Variants in BCL2 observed in about 807,000 individuals in gnomAD.
BCL2 encodes BCL2 apoptosis regulator, also known as apoptosis regulator Bcl-2.
A neutral mutation model predicts 14.2 loss-of-function variants in BCL2; 1 was observed. The observed-to-expected ratio is 0.07, with a 90% CI of 0.02 to 0.33. The LOEUF (loss-of-function observed/expected upper bound fraction) is 0.33. Ranked by LOEUF, BCL2 falls within the 10% of genes least tolerant of loss-of-function variation. The probability of loss-of-function intolerance (pLI) is 0.99; values close to 1 mark genes in which losing one functional copy is unlikely to be tolerated. For missense variants in BCL2, 247 were observed against 305.9 expected, an observed-to-expected ratio of 0.81 and a Z score of 1.44; for synonymous variants, 151 against 137.2, an observed-to-expected ratio of 1.10 and a Z score of -0.70.
chr18:63,128,574 T>C lies in BCL2; in HGVS notation c.*51A>G. The C allele has an allele frequency of 1.3e-6, 1 of 768,296 alleles. No homozygotes were observed. The highest frequency in any genetic ancestry group is 2.4e-6 in the Non-Finnish European group (1 of 410,358). 47.6% of individuals were successfully genotyped at this position (768,296 alleles called of 1,614,324 possible). Reference sequence around the variant, plus strand: ...CATCACTGACAATGCATATTATTTCTACTGCTTTAGTGAACCTTTTGCATA... The same window carrying C: ...CATCACTGACAATGCATATTATTTCCACTGCTTTAGTGAACCTTTTGCATA... On this transcript the variant is annotated 3_prime_UTR_variant, in exon 3 of 3. Transcript: ENST00000333681.
chr18:63,172,288 T>C (rs1915239895), intron 2 of BCL2, among the ~76,000 whole-genome samples: 1 of 152,236 alleles, frequency 6.6e-6, no homozygotes, highest in Non-Finnish European at 1.5e-5. Flanking sequence ...ACAGCTACTA[T>C]CTCCTCACTC....
intron 2 of BCL2, among the ~76,000 whole-genome samples, chr18:63,137,907 C>A (rs1007142808): frequency 1.5e-4 from 23 of 152,300 alleles, no homozygotes; most frequent in African/African-American, 5.3e-4. Context: ...GACCAGAGGT[C>A]AAAGGCTGTT....
intron 2 of BCL2, among the ~76,000 whole-genome samples, chr18:63,136,747 C>T (rs919865664): frequency 6.6e-6 from 1 of 152,220 alleles, no homozygotes; most frequent in Non-Finnish European, 1.5e-5. Flanking sequence ...TACACCAACT[C>T]CTGCTATTCA....
At chr18:63,133,999 T>C (rs1045705709) in intron 2 of BCL2, among the ~76,000 whole-genome samples, 1 of 152,176 alleles carries the variant, frequency 6.6e-6, no homozygotes, top group Non-Finnish European at 1.5e-5. Context: ...CCTAAGGTCA[T>C]ATTGAGTAAA....
At chr18:63,132,828 T>C (rs1003411148) in intron 2 of BCL2, among the ~76,000 whole-genome samples, 3 of 152,240 alleles carry the variant, frequency 2.0e-5, no homozygotes, top group Non-Finnish European at 4.4e-5. Context: ...GCTCATTTTA[T>C]GTATTAAAAG....
chr18:63,265,536 T>G (rs1450793555), intron 2 of BCL2, among the ~76,000 whole-genome samples: 2 of 152,132 alleles, frequency 1.3e-5, no homozygotes, highest in African/African-American at 4.8e-5. Context: ...CACCCATGCA[T>G]GCACATAGAA....
chr18:63,245,769 G>A (rs1911135040), intron 2 of BCL2, among the ~76,000 whole-genome samples: 1 of 152,098 alleles, frequency 6.6e-6, no homozygotes, highest in South Asian at 2.1e-4. Context: ...GAGTACATGG[G>A]CCCTCTCTGT....
intron 2 of BCL2, among the ~76,000 whole-genome samples, chr18:63,172,674 G>A (rs1278704752): frequency 5.3e-5 from 8 of 152,214 alleles, no homozygotes; most frequent in Admixed American, 2.0e-4. Flanking sequence ...CCAGCTACTC[G>A]GGAGGCTGAG....
chr18:63,224,006 G>T (rs997264391), intron 2 of BCL2, among the ~76,000 whole-genome samples: 1 of 152,056 alleles, frequency 6.6e-6, no homozygotes, highest in Non-Finnish European at 1.5e-5. Context: ...AAAAAAAAAT[G>T]CAGAAAACTA....
intron 2 of BCL2, among the ~76,000 whole-genome samples, chr18:63,218,643 CAT>C (rs1910277431): frequency 7.4e-6 from 1 of 134,872 alleles, no homozygotes; most frequent in Non-Finnish European, 1.6e-5. Flanking sequence ...CCACTCATCC[CAT>C]CCTCCACTCA....
intron 2 of BCL2, among the ~76,000 whole-genome samples, chr18:63,161,519 C>T (rs2081201587): frequency 6.6e-6 from 1 of 152,212 alleles, no homozygotes; most frequent in African/African-American, 2.4e-5. Context: ...CGCCCCTCCC[C>T]ATCTGACCTT....
chr18:63,254,703 G>C (rs770373398), intron 2 of BCL2, among the ~76,000 whole-genome samples: 1 of 152,182 alleles, frequency 6.6e-6, no homozygotes. Context: ...TAAAATATGG[G>C]TTATAGAAAA....
intron 2 of BCL2, among the ~76,000 whole-genome samples, chr18:63,150,376 A>G (rs1914624816): frequency 6.6e-6 from 1 of 152,252 alleles, no homozygotes; most frequent in African/African-American, 2.4e-5. Flanking sequence ...CCTATCTTCA[A>G]TACTGTGGGC....
intron 2 of BCL2, among the ~76,000 whole-genome samples, chr18:63,157,558 A>C (rs1355315637): frequency 6.6e-6 from 1 of 152,230 alleles, no homozygotes; most frequent in Non-Finnish European, 1.5e-5. Context: ...CGTTAACCTT[A>C]AACTCCAGCT....
At chr18:63,299,048 G>C (rs1359982966) in intron 2 of BCL2, among the ~76,000 whole-genome samples, 4 of 152,194 alleles carry the variant, frequency 2.6e-5, no homozygotes, top group Admixed American at 1.3e-4. Flanking sequence ...GTTCTCATCT[G>C]CAAGACAAGG....
intron 2 of BCL2, among the ~76,000 whole-genome samples, chr18:63,214,663 C>T (rs1910147658): frequency 6.6e-6 from 1 of 151,900 alleles, no homozygotes; most frequent in Non-Finnish European, 1.5e-5. Context: ...AATAAAATTA[C>T]ATTTCGGGCC....
intron 2 of BCL2, among the ~76,000 whole-genome samples, chr18:63,265,684 C>G (rs778228515): frequency 5.3e-5 from 8 of 152,054 alleles, no homozygotes; most frequent in African/African-American, 1.2e-4. Context: ...ACACCATCAA[C>G]AAATGACAAA....
At chr18:63,225,865 C>CT (rs2144168473) in intron 2 of BCL2, among the ~76,000 whole-genome samples, 1 of 152,354 alleles carries the variant, frequency 6.6e-6, no homozygotes, top group African/African-American at 2.4e-5. Flanking sequence ...TTACAGTACT[C>CT]TTTTAGCTCT....
chr18:63,203,893 T>C (rs147563866), intron 2 of BCL2, among the ~76,000 whole-genome samples: 2 of 152,374 alleles, frequency 1.3e-5, no homozygotes, highest in African/African-American at 4.8e-5. Context: ...TGATTTCTAT[T>C]CTAGCTTTCA....
Sources: allele counts gnomAD v4.1 joint callset (sites outside exome capture counted in the v4.1 genomes callset), GRCh38; gene constraint gnomAD v4.1.1; transcripts MANE v1.5; gene names NCBI Gene and HGNC (gene_info 2026-07-23, HGNC 2026-07-21).